BICDL1: variants seen among roughly 807,000 people sequenced by gnomAD.
BICDL1 encodes BICD family-like cargo adapter 1.
A neutral mutation model predicts 76.8 loss-of-function variants in BICDL1; 20 were observed. The observed-to-expected ratio is 0.26, with a 90% confidence interval of 0.18 to 0.38. BICDL1 has a LOEUF of 0.38. Ranked by LOEUF, BICDL1 falls within the 10% of genes least tolerant of loss-of-function variation. The pLI is 1.00. For missense variants in BICDL1, 700 were observed against 798.6 expected (o/e 0.88, Z 1.49); for synonymous variants, 383 against 337.1 (o/e 1.14, Z -1.49).
intron 2 of BICDL1, among the ~76,000 whole-genome samples, chr12:120,044,056 T>G (rs866235963): frequency 3.3e-5 from 5 of 152,098 alleles, no homozygotes; most frequent in African/African-American, 9.7e-5. Context: ...ATTTATCAGG[T>G]GAAAATTTGA....
Position 119,998,140 on chromosome 12 carries a change from C to T in BICDL1, c.430-381C>T, listed in dbSNP as rs891098051. 2.0e-5 allele frequency among the ~76,000 whole-genome samples: 3 copies of T among 151,986 alleles called. No homozygotes were observed. In the South Asian group the frequency reaches 6.2e-4, roughly 32 times the overall value. The stretch of plus-strand genomic sequence containing the variant: ...CCAGCCTGGGCGACAGAGCAAGACT[C>T]CATCTCAAAAAAATCAAAAAGGATT... On this transcript the variant is annotated intron_variant, in intron 1 of 9. Transcript: ENST00000548673.
chr12:120,008,742 C>T lies in BICDL1; in HGVS notation c.645+10006C>T, dbSNP rs377008210. 4.6e-5 allele frequency among the ~76,000 whole-genome samples: 7 copies of T among 152,024 alleles called. No homozygotes were observed. In the East Asian group the frequency reaches 1.3e-3, roughly 29 times the overall value. ...CCAAATGTTTGGAATTCATTCTTAG[C>T]AATGTTTGTTATATTAAGGATGTAC... is the stretch of plus-strand genomic sequence containing the variant. On this transcript the variant is annotated intron_variant, in intron 2 of 9. Coordinates refer to ENST00000548673, the MANE Select transcript of BICDL1 (RefSeq NM_001367886.1).
chr12:120,018,594 C>G (rs1952113255), intron 2 of BICDL1, among the ~76,000 whole-genome samples: 2 of 152,010 alleles, frequency 1.3e-5, no homozygotes, highest in Admixed American at 1.3e-4. Flanking sequence ...ACTAGATGAA[C>G]CTGGGTTTAT....
At chr12:120,019,026 CA>C (rs1208671818) in intron 2 of BICDL1, 4 of 131,486 alleles carry the variant, frequency 3.0e-5, no homozygotes, top group African/African-American at 1.2e-4. Flanking sequence ...GCCTGGGCGA[CA>C]GAGCGAGACT....
intron 2 of BICDL1, among the ~76,000 whole-genome samples, chr12:120,034,986 G>T (rs1386707436): frequency 6.6e-6 from 1 of 152,158 alleles, no homozygotes; most frequent in Non-Finnish European, 1.5e-5. Flanking sequence ...ATTGTGTTAT[G>T]CACAAAGAAG....
At chr12:120,008,631 A>G (rs527342506) in intron 2 of BICDL1, among the ~76,000 whole-genome samples, 57 of 152,214 alleles carry the variant, frequency 3.7e-4, no homozygotes, top group Non-Finnish European at 6.6e-4. Context: ...ATGTATTTCT[A>G]TCTCATTGAT....
chr12:120,029,735 A>C (rs1594138191), intron 2 of BICDL1, among the ~76,000 whole-genome samples: 1 of 150,576 alleles, frequency 6.6e-6, no homozygotes, highest in Non-Finnish European at 1.5e-5. Flanking sequence ...ATCTCACTGC[A>C]GCCTCCACCC....
chr12:120,091,247 A>G (rs1874937430), intron 9 of BICDL1: 2 of 1,141,584 alleles, frequency 1.8e-6, no homozygotes, highest in Non-Finnish European at 2.2e-6. Flanking sequence ...CTTCTCATAG[A>G]TGGCTGTTCC....
rs369296653 is a variant in BICDL1 at position 120,006,340 on chromosome 12, A to AATTC, written c.645+7626_645+7629dup. On this transcript the variant is annotated intron_variant, in intron 2 of 9. Coordinates refer to ENST00000548673, the MANE Select transcript of BICDL1 (RefSeq NM_001367886.1). ...ATATGTTGTATTTCACAATTTGAAA[A>AATTC]ATTCATTCATTCATTCATTCATTCA... is the stretch of plus-strand genomic sequence containing the variant. 1.6e-3 allele frequency among the ~76,000 whole-genome samples: 251 copies of AATTC among 152,258 alleles called. 2 individuals are homozygous for AATTC. The highest frequency in any genetic ancestry group is 5.1e-3 in the African/African-American group (211 of 41,548).
chr12:120,083,302 G>C (rs1874136060), intron 8 of BICDL1, among the ~76,000 whole-genome samples: 1 of 152,058 alleles, frequency 6.6e-6, no homozygotes, highest in African/African-American at 2.4e-5. Context: ...TGCCACCCAG[G>C]CTGTAGTATA....
Position 119,989,854 on chromosome 12 carries a change from C to T in BICDL1, c.-15C>T, listed in dbSNP as rs1247833576. 2.9e-5 allele frequency: 38 copies of T among 1,331,900 alleles called. No homozygotes were observed. The highest frequency in any genetic ancestry group is 4.2e-5 in the Admixed American group (1 of 23,576). 82.5% of individuals were successfully genotyped at this position (1,331,900 alleles called of 1,614,324 possible). On this transcript the variant is annotated 5_prime_UTR_variant, in exon 1 of 10. Transcript: ENST00000548673. ...GGGCCGGGCCGCACCGCTGCGGGCT[C>T]CGCGCGCGCGGGCCATGTCCGCTTT...
At chr12:120,041,528 C>T (rs1370731944) in intron 2 of BICDL1, among the ~76,000 whole-genome samples, 2 of 152,060 alleles carry the variant, frequency 1.3e-5, no homozygotes, top group Admixed American at 1.3e-4. Flanking sequence ...ACATCAAGGG[C>T]AGGGGGCGGG....
At chr12:120,054,598 G>A (rs571980685) in intron 2 of BICDL1, among the ~76,000 whole-genome samples, 5 of 152,240 alleles carry the variant, frequency 3.3e-5, no homozygotes, top group African/African-American at 1.2e-4. Context: ...TTAATAATAG[G>A]CTGGGTGTGG....
intron 2 of BICDL1, among the ~76,000 whole-genome samples, chr12:120,028,750 G>C (rs1309172751): frequency 1.3e-5 from 2 of 152,132 alleles, no homozygotes; most frequent in East Asian, 3.8e-4. Flanking sequence ...TTGTACACTT[G>C]TAGTCCCAGC....
At position 120,064,891 on chromosome 12, in the gene BICDL1, G is replaced by T; in HGVS notation, c.909+12G>T. On this transcript the variant is annotated intron_variant, in intron 4 of 9. Coordinates refer to ENST00000548673, the MANE Select transcript of BICDL1 (RefSeq NM_001367886.1). ...ACAAGGACCTACAGGTACTGGGGTAGAGAAGCTGTCCTGCAGGACTAGAGC... is the reference window on the plus strand; with the variant it reads ...ACAAGGACCTACAGGTACTGGGGTATAGAAGCTGTCCTGCAGGACTAGAGC... 1 of 1,597,138 alleles carries T rather than the reference G, an allele frequency of 6.3e-7. No individual in the cohort carries two copies. The highest frequency in any genetic ancestry group is 1.1e-5 in the South Asian group (1 of 88,702).
At chr12:119,999,917 G>A (rs1395060328) in intron 2 of BICDL1, 1 of 308,380 alleles carries the variant, frequency 3.2e-6, no homozygotes, top group African/African-American at 2.2e-5. Flanking sequence ...TGCATGGTTA[G>A]TGTTTGGTGC....
intron 1 of BICDL1, among the ~76,000 whole-genome samples, chr12:119,990,980 A>C (rs1951510071): frequency 6.6e-6 from 1 of 152,254 alleles, no homozygotes; most frequent in Non-Finnish European, 1.5e-5. Context: ...AACCTATGAG[A>C]ACCATATTAC....
chr12:120,085,920 A>G (rs1327917267), intron 8 of BICDL1, among the ~76,000 whole-genome samples: 2 of 148,846 alleles, frequency 1.3e-5, no homozygotes, highest in African/African-American at 4.9e-5. Context: ...GGAAGGTGGG[A>G]TGGAAGGTGG....
chr12:120,047,725 TAGATA>T (rs879341953), intron 2 of BICDL1, among the ~76,000 whole-genome samples: 25 of 152,298 alleles, frequency 1.6e-4, no homozygotes, highest in South Asian at 1.0e-3. Flanking sequence ...AGAGAGTGGT[TAGATA>T]ATTTTTGAAG....
Sources: gnomAD v4.1 joint callset for allele counts (sites outside exome capture counted in the v4.1 genomes callset) on GRCh38, gnomAD v4.1.1 for gene constraint, MANE v1.5 for transcripts, NCBI Gene and HGNC (gene_info 2026-07-23, HGNC 2026-07-21) for gene names.